Variants in MIS18A observed in about 807,000 individuals in gnomAD.
MIS18A encodes the protein MIS18 kinetochore protein A.
In MIS18A, 14 loss-of-function variants were observed where a neutral mutation model predicts 25.0. The ratio of observed to expected loss-of-function variants is 0.56; its 90% CI spans 0.37 to 0.88. MIS18A has a LOEUF of 0.88. MIS18A is among the 40% of genes least tolerant of loss of function. The probability of loss-of-function intolerance (pLI) is 0.00; values close to 1 mark genes in which losing one functional copy is unlikely to be tolerated. For synonymous variants in MIS18A, 134 were observed against 118.6 expected (o/e 1.13, Z -0.84); for missense variants, 292 against 290.8 (o/e 1.00, Z -0.03).
the MIS18A span, among the ~76,000 whole-genome samples, chr21:32,175,002 G>A: frequency 6.6e-6 from 1 of 152,182 alleles, no homozygotes; most frequent in African/African-American, 2.4e-5. Flanking sequence ...TGACAAATAT[G>A]TAGTTGGACA....
rs1274828217 is a variant in MIS18A at position 32,274,810 on chromosome 21, A to G, written c.401+20T>C. 1 of 1,581,668 alleles carries G rather than the reference A, an allele frequency of 6.3e-7. No homozygotes were observed. The highest frequency in any genetic ancestry group is 8.7e-7 in the Non-Finnish European group (1 of 1,152,964). On this transcript the variant is annotated intron_variant, in intron 2 of 4. Transcript: ENST00000290130. ...AAAGAAAATTCTCTAACATATTCAT[A>G]TAAATACAGTTTTACTCACCAACCA... is the stretch of plus-strand genomic sequence containing the variant.
chr21:32,159,351 G>T, the MIS18A span, among the ~76,000 whole-genome samples: 1 of 152,028 alleles, frequency 6.6e-6, no homozygotes, highest in African/African-American at 2.4e-5. Context: ...TGAATTTCAG[G>T]TATTTACTTT....
At chr21:32,186,232 A>G in the MIS18A span, among the ~76,000 whole-genome samples, 1 of 152,190 alleles carries the variant, frequency 6.6e-6, no homozygotes, top group African/African-American at 2.4e-5. Context: ...TAACGACTTG[A>G]GAGATTTTCA....
At chr21:32,263,421 C>A (rs1601070166), downstream of MIS18A, among the ~76,000 whole-genome samples, 1 of 152,198 alleles carries the variant, frequency 6.6e-6, no homozygotes, top group African/African-American at 2.4e-5. Context: ...CATGGTGAAA[C>A]CCTGTCTCTA....
the MIS18A span, among the ~76,000 whole-genome samples, chr21:32,244,071 C>T: frequency 6.6e-6 from 1 of 152,202 alleles, no homozygotes; most frequent in Admixed American, 6.5e-5. Context: ...GGATAACCAG[C>T]AGCAATAAAA....
chr21:32,193,258 G>A, the MIS18A span, among the ~76,000 whole-genome samples: 1 of 152,098 alleles, frequency 6.6e-6, no homozygotes, highest in Non-Finnish European at 1.5e-5. Context: ...TAACTGCAAG[G>A]AGAAAAGGCC....
chr21:32,261,510 T>C, the MIS18A span: 1 of 152,164 alleles, frequency 6.6e-6, no homozygotes, highest in Non-Finnish European at 1.5e-5. Context: ...GGTTAGAGAA[T>C]GAAGATGTGA....
At chr21:32,200,435 CTTT>C in the MIS18A span, among the ~76,000 whole-genome samples, 6 of 136,990 alleles carry the variant, frequency 4.4e-5, no homozygotes, top group Admixed American at 7.3e-5. Flanking sequence ...AAGGCTTTTT[CTTT>C]TTTTTTTTTT....
chr21:32,233,841 C>T, the MIS18A span, among the ~76,000 whole-genome samples: 1 of 152,132 alleles, frequency 6.6e-6, no homozygotes, highest in Non-Finnish European at 1.5e-5. Context: ...ACGCTGGACT[C>T]AAACTGAGCC....
chr21:32,236,843 G>T, the MIS18A span, among the ~76,000 whole-genome samples: 29,411 of 152,076 alleles, frequency 0.19, 3,054 homozygotes, highest in East Asian at 0.24. Context: ...CCAATGGACT[G>T]TTCTATTGCT....
chr21:32,262,031 AGAGT>A, the MIS18A span, among the ~76,000 whole-genome samples: 1 of 152,248 alleles, frequency 6.6e-6, no homozygotes, highest in Non-Finnish European at 1.5e-5. Context: ...AAACAAGCTC[AGAGT>A]GAGGGAAGAA....
At chr21:32,273,115 C>CT (rs879786505) in intron 2 of MIS18A, among the ~76,000 whole-genome samples, 2,078 of 134,292 alleles carry the variant, frequency 0.015, 40 homozygotes, top group African/African-American at 0.043. Flanking sequence ...AACTTTTTTT[C>CT]TTTTTTTTTT....
At chr21:32,229,733 C>A in the MIS18A span, among the ~76,000 whole-genome samples, 19 of 152,326 alleles carry the variant, frequency 1.2e-4, 1 homozygote, top group South Asian at 3.9e-3. Context: ...TTGAACTTCA[C>A]CTTTGCCCAT....
At chr21:32,171,924 T>C in the MIS18A span, among the ~76,000 whole-genome samples, 1 of 152,030 alleles carries the variant, frequency 6.6e-6, no homozygotes, top group Non-Finnish European at 1.5e-5. Context: ...GACTCCCCTA[T>C]ATTGGTCTAT....
the MIS18A span, among the ~76,000 whole-genome samples, chr21:32,238,690 T>C: frequency 6.6e-6 from 1 of 152,158 alleles, no homozygotes; most frequent in Non-Finnish European, 1.5e-5. Flanking sequence ...TCCATGTCAC[T>C]CCTCCCTTCC....
At chr21:32,154,972 A>G in the MIS18A span, among the ~76,000 whole-genome samples, 7 of 152,204 alleles carry the variant, frequency 4.6e-5, no homozygotes, top group Non-Finnish European at 8.8e-5. Context: ...AGCTGCTGTG[A>G]GTTTGGTTTT....
chr21:32,210,514 T>C, the MIS18A span, among the ~76,000 whole-genome samples: 1 of 152,336 alleles, frequency 6.6e-6, no homozygotes, highest in African/African-American at 2.4e-5. Context: ...AGGCTGACGG[T>C]GTGCATCAGA....
chr21:32,173,178 A>T, the MIS18A span, among the ~76,000 whole-genome samples: 76,611 of 152,020 alleles, frequency 0.5, 20,213 homozygotes, highest in African/African-American at 0.65. Flanking sequence ...ACTCATAGAA[A>T]GGAAGCAACC....
At chr21:32,202,424 T>C in the MIS18A span, among the ~76,000 whole-genome samples, 22,877 of 152,146 alleles carry the variant, frequency 0.15, 1,826 homozygotes, top group East Asian at 0.24. Context: ...CAAGATGCTA[T>C]GTAAAACAAT....
Sources: allele counts gnomAD v4.1 joint callset (sites outside exome capture counted in the v4.1 genomes callset), GRCh38; gene constraint gnomAD v4.1.1; transcripts MANE v1.5; gene names NCBI Gene and HGNC (gene_info 2026-07-23, HGNC 2026-07-21).